Variants in QRICH1 observed in about 807,000 individuals in gnomAD.
The protein encoded by QRICH1 is transcriptional regulator QRICH1.
In QRICH1, 16 loss-of-function variants were observed where a neutral mutation model predicts 87.1. The observed-to-expected ratio is 0.18, with a 90% CI of 0.12 to 0.28. QRICH1 has a LOEUF of 0.28. QRICH1 is among the 10% of genes least tolerant of loss of function. The pLI is 1.00. For synonymous variants in QRICH1, 367 were observed against 368.4 expected (o/e 1.00, Z 0.05); for missense variants, 647 against 951.7 (o/e 0.68, Z 4.21).
At chr3:49,045,179 G>C (rs2093331681) in intron 5 of QRICH1, among the ~76,000 whole-genome samples, 1 of 152,128 alleles carries the variant, frequency 6.6e-6, no homozygotes, top group South Asian at 2.1e-4. Flanking sequence ...TATTATTCTA[G>C]CTAGACTCCT....
rs1284961578 is a variant in QRICH1 at position 49,044,417 on chromosome 3, C to T, written c.1759G>A (p.Asp587Asn). 6.2e-7 allele frequency: 1 copy of T among 1,613,110 alleles called. No homozygotes were observed. The highest frequency in any genetic ancestry group is 8.5e-7 in the Non-Finnish European group (1 of 1,179,558). Reference sequence around the variant, plus strand: ...AGTGGAGTGACCCGGGGCTGAACATCCTTCAGAACTTCATGTAGCCACTCC... The same window carrying T: ...AGTGGAGTGACCCGGGGCTGAACATTCTTCAGAACTTCATGTAGCCACTCC... ...FTEWLHEVLKDVQPRVTPLGY... is the reference protein window; with the variant it reads ...FTEWLHEVLKNVQPRVTPLGY... Residue 587 changes from aspartate (D) to asparagine (N), a missense_variant, in exon 6 of 10, where the codon GAT becomes AAT. By Grantham distance (23) the Asp-to-Asn change is conservative. Transcript: ENST00000395443.
At chr3:49,089,233 T>C (rs1229285469) in intron 1 of QRICH1, among the ~76,000 whole-genome samples, 1 of 151,998 alleles carries the variant, frequency 6.6e-6, no homozygotes, top group Non-Finnish European at 1.5e-5. Context: ...CTAATTTTTG[T>C]ATTTTTAGTA....
At chr3:49,077,811 C>T (rs2041979824) in intron 1 of QRICH1, among the ~76,000 whole-genome samples, 1 of 152,140 alleles carries the variant, frequency 6.6e-6, no homozygotes, top group East Asian at 1.9e-4. Flanking sequence ...GATAGCACTA[C>T]AGAAATGTAA....
intron 1 of QRICH1, among the ~76,000 whole-genome samples, chr3:49,080,216 G>A (rs1449950502): frequency 1.3e-5 from 2 of 152,138 alleles, no homozygotes; most frequent in African/African-American, 4.8e-5. Flanking sequence ...CATTATAAAA[G>A]AGCAGCAGAG....
chr3:49,089,409 T>C (rs115438593), intron 1 of QRICH1, among the ~76,000 whole-genome samples: 7 of 152,160 alleles, frequency 4.6e-5, no homozygotes, highest in Non-Finnish European at 8.8e-5. Flanking sequence ...TTCCCAAATA[T>C]TGACGGATTG....
rs527522755 is a variant in QRICH1, at chr3:49,044,770, C to G, written c.1672-266G>C. Among the ~76,000 whole-genome samples, 9 of 152,238 alleles carry G rather than the reference C, an allele frequency of 5.9e-5. No homozygotes were observed. In the East Asian group the frequency reaches 1.7e-3, roughly 29 times the overall value. The stretch of plus-strand genomic sequence containing the variant: ...GGCATTATTTTGTGTTAGCAAAAAT[C>G]ATGAATAGGCTCTGGGGTCAGCCTT... On this transcript the variant is annotated intron_variant, in intron 5 of 9. Coordinates refer to ENST00000395443, the MANE Select transcript of QRICH1 (RefSeq NM_198880.3).
intron 6 of QRICH1, among the ~76,000 whole-genome samples, chr3:49,034,597 C>T (rs762013487): frequency 6.6e-6 from 1 of 152,152 alleles, no homozygotes; most frequent in Non-Finnish European, 1.5e-5. Flanking sequence ...CAGGCGTGAA[C>T]CACCACGCCT....
chr3:49,091,317 A>T (rs1311471053), intron 1 of QRICH1, among the ~76,000 whole-genome samples: 2 of 152,232 alleles, frequency 1.3e-5, no homozygotes, highest in Non-Finnish European at 2.9e-5. Context: ...TTACAGATCA[A>T]GAGTGGCCAT....
chr3:49,049,725 C>T (rs1199106572), intron 3 of QRICH1, among the ~76,000 whole-genome samples: 3 of 151,252 alleles, frequency 2.0e-5, no homozygotes, highest in East Asian at 2.0e-4. Flanking sequence ...CTCAAACTCC[C>T]GACCTCAGGT....
rs2093328438 is a variant in QRICH1 at position 49,044,521 on chromosome 3, T to C, written c.1672-17A>G. On this transcript the variant is annotated splice_polypyrimidine_tract_variant and intron_variant, in intron 5 of 9. Coordinates refer to ENST00000395443, the MANE Select transcript of QRICH1 (RefSeq NM_198880.3). ...AAAAAGATACTAAAAGAAAAACAAT[T>C]AATAGAAGTTATTGGTAGTCTCCTG... The C allele has an allele frequency of 5.9e-6, 9 of 1,528,036 alleles. No individual in the cohort carries two copies. The highest frequency in any genetic ancestry group is 8.1e-6 in the Non-Finnish European group (9 of 1,104,676). 94.7% of individuals were successfully genotyped at this position (1,528,036 alleles called of 1,614,324 possible).
At chr3:49,035,363 T>G (rs1265893663) in intron 6 of QRICH1, among the ~76,000 whole-genome samples, 3 of 152,156 alleles carry the variant, frequency 2.0e-5, no homozygotes, top group African/African-American at 7.2e-5. Context: ...GGAGCCACCA[T>G]GCCTGGCCTT....
At chr3:49,036,292 C>T (rs892702058) in intron 6 of QRICH1, among the ~76,000 whole-genome samples, 1 of 152,088 alleles carries the variant, frequency 6.6e-6, no homozygotes, top group African/African-American at 2.4e-5. Context: ...AGAAACAAGA[C>T]CAATCTAGGA....
At chr3:49,088,297 GTATTTT>G (rs1255317173) in intron 1 of QRICH1, among the ~76,000 whole-genome samples, 4 of 151,446 alleles carry the variant, frequency 2.6e-5, no homozygotes, top group African/African-American at 7.3e-5. Context: ...TTGTTTCTTT[GTATTTT>G]TATTTTTTTG....
intron 1 of QRICH1, among the ~76,000 whole-genome samples, chr3:49,090,486 A>G (rs1013380829): frequency 1.4e-3 from 201 of 145,066 alleles, no homozygotes; most frequent in Non-Finnish European, 2.7e-3. Flanking sequence ...AAATTAGCCC[A>G]GCGTGGTGGC....
intron 2 of QRICH1, among the ~76,000 whole-genome samples, chr3:49,073,695 G>A (rs1166913027): frequency 1.3e-5 from 2 of 151,560 alleles, no homozygotes; most frequent in Non-Finnish European, 2.9e-5. Context: ...CACCCAGGCT[G>A]GAGTGCAGTG....
At chr3:49,058,108 C>T in intron 2 of QRICH1, 1 of 759,946 alleles carries the variant, frequency 1.3e-6, no homozygotes, top group Non-Finnish European at 2.0e-6. Context: ...CCCCAGAGAG[C>T]AAGCAAGACA....
chr3:49,084,686 T>C (rs911712368), intron 1 of QRICH1, among the ~76,000 whole-genome samples: 5 of 151,620 alleles, frequency 3.3e-5, no homozygotes, highest in African/African-American at 9.7e-5. Flanking sequence ...ATTGCTTGAA[T>C]CCGGGAGGCG....
At chr3:49,048,206 C>G (rs571627708) in intron 3 of QRICH1, among the ~76,000 whole-genome samples, 6 of 150,918 alleles carry the variant, frequency 4.0e-5, no homozygotes, top group Admixed American at 4.0e-4. Flanking sequence ...GATCTCGGCT[C>G]ACCTCAACCT....
chr3:49,068,466 T>TAAAA (rs879822428), intron 2 of QRICH1, among the ~76,000 whole-genome samples: 1 of 139,476 alleles, frequency 7.2e-6, no homozygotes, highest in Non-Finnish European at 1.5e-5. Flanking sequence ...TCAAAAAAAT[T>TAAAA]AAAAAAAAAA....
Sources: allele counts gnomAD v4.1 joint callset (sites outside exome capture counted in the v4.1 genomes callset), GRCh38; gene constraint gnomAD v4.1.1; transcripts MANE v1.5; gene names NCBI Gene and HGNC (gene_info 2026-07-23, HGNC 2026-07-21).